Variants in TRIM71 observed in about 807,000 individuals in gnomAD.
TRIM71 encodes the protein tripartite motif containing 71.
In TRIM71, 9 loss-of-function variants were observed where a neutral mutation model predicts 61.2. The observed-to-expected ratio is 0.15, with a 90% confidence interval of 0.09 to 0.26. TRIM71 has a LOEUF of 0.26. Among genes scored for constraint, TRIM71 ranks in the 10% least tolerant of loss-of-function variants. The pLI is 1.00. For missense variants in TRIM71, 998 were observed against 1,238.7 expected (o/e 0.81, Z 2.92); for synonymous variants, 645 against 553.2 (o/e 1.17, Z -2.33).
intron 1 of TRIM71, among the ~76,000 whole-genome samples, chr3:32,839,999 C>T (rs549995700): frequency 3.7e-4 from 57 of 152,236 alleles, no homozygotes; most frequent in Admixed American, 1.4e-3. Context: ...TTAATTCAAA[C>T]GCTCCAGTTT....
chr3:32,868,114 CA>C (rs1696758873), intron 1 of TRIM71, among the ~76,000 whole-genome samples: 1 of 152,124 alleles, frequency 6.6e-6, no homozygotes, highest in Non-Finnish European at 1.5e-5. Context: ...TGGCACCCAT[CA>C]AAGCCTTCCA....
At position 32,820,043 on chromosome 3, in the gene TRIM71, C is replaced by T. The variant is rs370881792; in HGVS notation, c.852+1111C>T. On this transcript the variant is annotated intron_variant, in intron 1 of 3. Coordinates refer to ENST00000383763, the MANE Select transcript of TRIM71 (RefSeq NM_001039111.3). The stretch of plus-strand genomic sequence containing the variant: ...AACCCAATGAAGGCAGGCCAAAAGT[C>T]TTGAGAAGCGGGCTCTTGCCGAGGG... Among the ~76,000 whole-genome samples, 15 of 152,374 alleles carry T rather than the reference C, an allele frequency of 9.8e-5. No homozygotes were observed. The East Asian group carries it at 2.3e-3, about 23-fold the overall frequency.
chr3:32,848,330 A>G (rs1008043483), intron 1 of TRIM71, among the ~76,000 whole-genome samples: 15 of 152,182 alleles, frequency 9.9e-5, no homozygotes, highest in African/African-American at 3.6e-4. Context: ...TTAGTTCTAC[A>G]GGTCAGAGGA....
chr3:32,855,371 G>A (rs193065599), intron 1 of TRIM71, among the ~76,000 whole-genome samples: 1 of 152,024 alleles, frequency 6.6e-6, no homozygotes, highest in African/African-American at 2.4e-5. Flanking sequence ...ACTGTGGGGT[G>A]GGGGAGGGCA....
At chr3:32,822,340 A>C (rs935341346) in intron 1 of TRIM71, among the ~76,000 whole-genome samples, 7 of 152,076 alleles carry the variant, frequency 4.6e-5, no homozygotes, top group African/African-American at 1.7e-4. Context: ...TGTTGGTAGA[A>C]TCCATGCGGT....
chr3:32,886,707 A>G (rs1234589147), intron 3 of TRIM71, among the ~76,000 whole-genome samples: 1 of 152,208 alleles, frequency 6.6e-6, no homozygotes, highest in East Asian at 1.9e-4. Flanking sequence ...TGAACACACG[A>G]AAAAGACTAG....
At chr3:32,825,804 C>T (rs2095177271) in intron 1 of TRIM71, among the ~76,000 whole-genome samples, 1 of 152,142 alleles carries the variant, frequency 6.6e-6, no homozygotes, top group South Asian at 2.1e-4. Context: ...AGCATTGTGG[C>T]TTGCAAGAGT....
At chr3:32,843,511 T>C (rs1198642086) in intron 1 of TRIM71, among the ~76,000 whole-genome samples, 1 of 152,150 alleles carries the variant, frequency 6.6e-6, no homozygotes, top group Non-Finnish European at 1.5e-5. Flanking sequence ...TTAATCTTTA[T>C]TAGTGGCAAA....
rs1477221358 is a variant in TRIM71, at chr3:32,891,340, C to G, written c.2136C>G (p.Gly712=). Residue 712 remains glycine, a synonymous_variant, in exon 4 of 4, where the codon GGC becomes GGG. Coordinates refer to ENST00000383763, the MANE Select transcript of TRIM71 (RefSeq NM_001039111.3). This position sits in a 1 kb window ranked among gnomAD's most constrained non-coding sequence, Gnocchi z 8.2. ...YPWDVAVNSE[G]KILVSDTRNH... The stretch of plus-strand genomic sequence containing the variant: ...GGGATGTGGCGGTGAATTCTGAGGG[C>G]AAGATCCTGGTCTCAGACACGAGGA... 3.1e-6 allele frequency: 5 copies of G among 1,613,970 alleles called. No individual in the cohort carries two copies. The highest frequency in any genetic ancestry group is 4.5e-5 in the East Asian group (2 of 44,888).
chr3:32,888,322 A>G (rs1202738899), intron 3 of TRIM71, among the ~76,000 whole-genome samples: 1 of 151,868 alleles, frequency 6.6e-6, no homozygotes, highest in Non-Finnish European at 1.5e-5. Flanking sequence ...AACTGGCCCA[A>G]GCACAGTGAC....
At chr3:32,877,437 A>G (rs1163998949) in intron 2 of TRIM71, among the ~76,000 whole-genome samples, 2 of 150,172 alleles carry the variant, frequency 1.3e-5, no homozygotes, top group Middle Eastern at 3.2e-3. Context: ...TCTCTCTCAA[A>G]CTCCTGGGCT....
chr3:32,857,682 T>A (rs1696620722), intron 1 of TRIM71, among the ~76,000 whole-genome samples: 1 of 152,058 alleles, frequency 6.6e-6, no homozygotes, highest in South Asian at 2.1e-4. Flanking sequence ...ACTAAGAAAA[T>A]AATAATGGCC....
Position 32,885,969 on chromosome 3 carries a change from G to A in TRIM71, c.1056G>A (p.Gln352=). Residue 352 remains glutamine (Q), a synonymous_variant, in exon 3 of 4, where the codon CAG becomes CAA. Coordinates refer to ENST00000383763, the MANE Select transcript of TRIM71 (RefSeq NM_001039111.3). ...AGCAGGCCCAGACGGTGGCGGAACA[G>A]GTGGAGATGAAGGCGAAGGTTGTGC... The part of the protein sequence containing the change: ...SIEQAQTVAE[Q]VEMKAKVVQS... 1 of 1,614,170 alleles carries A rather than the reference G, an allele frequency of 6.2e-7. No individual in the cohort carries two copies. Among genetic ancestry groups the A allele is most frequent in the Non-Finnish European group, 8.5e-7 (1 of 1,180,020 alleles).
At chr3:32,871,903 G>C (rs1696799405) in intron 1 of TRIM71, among the ~76,000 whole-genome samples, 1 of 152,226 alleles carries the variant, frequency 6.6e-6, no homozygotes, top group African/African-American at 2.4e-5. Context: ...CAGCACTTTG[G>C]GAGGCCAAGG....
At chr3:32,881,751 C>T (rs566792756) in intron 2 of TRIM71, among the ~76,000 whole-genome samples, 2 of 152,308 alleles carry the variant, frequency 1.3e-5, no homozygotes, top group East Asian at 1.9e-4. Context: ...AACCTATCTG[C>T]CCTGTATGTC....
Position 32,818,923 on chromosome 3 carries a change from C to T in TRIM71, c.843C>T (p.His281=). ...FPERLGFCQH[H]DDEVLHLYCD... ...AGCGCCTCGGCTTCTGCCAGCACCA[C>T]GACGACGAGGTGAGTGCGTGGGGGC... The change falls in exon 1 of 4, where the codon CAC becomes CAT. Residue 281 remains histidine (H), a synonymous_variant. Transcript: ENST00000383763. 8 of 1,612,414 alleles carry T rather than the reference C, an allele frequency of 5.0e-6. No individual in the cohort carries two copies. Among genetic ancestry groups the T allele is most frequent in the Non-Finnish European group, 5.9e-6 (7 of 1,179,790 alleles).
At chr3:32,837,997 T>C (rs1337157159) in intron 1 of TRIM71, among the ~76,000 whole-genome samples, 2 of 152,056 alleles carry the variant, frequency 1.3e-5, no homozygotes, top group African/African-American at 2.4e-5. Flanking sequence ...GCTCGGAAAA[T>C]GTGGATGTGA....
chr3:32,862,874 CAG>C (rs1387098763), intron 1 of TRIM71, among the ~76,000 whole-genome samples: 1 of 152,080 alleles, frequency 6.6e-6, no homozygotes, highest in African/African-American at 2.4e-5. Flanking sequence ...AATCGGGACT[CAG>C]GGTTCTAATT....
intron 1 of TRIM71, among the ~76,000 whole-genome samples, chr3:32,832,624 G>A (rs905339554): frequency 6.6e-6 from 1 of 152,178 alleles, no homozygotes; most frequent in African/African-American, 2.4e-5. Flanking sequence ...GGTGGAGGTT[G>A]TAGTGAGCTG....
Sources: gnomAD v4.1 joint callset for allele counts (sites outside exome capture counted in the v4.1 genomes callset) on GRCh38, gnomAD v4.1.1 for gene constraint, Gnocchi (gnomAD v3.1) non-coding constraint, MANE v1.5 for transcripts, NCBI Gene and HGNC (gene_info 2026-07-23, HGNC 2026-07-21) for gene names.